Variants in PPM1D observed in about 807,000 individuals in gnomAD.
PPM1D encodes the protein protein phosphatase, Mg2+/Mn2+ dependent 1D.
In PPM1D, 52 loss-of-function variants were observed where a neutral mutation model predicts 58.3. The ratio of observed to expected loss-of-function variants is 0.89; its 90% CI spans 0.71 to 1.12. The LOEUF (loss-of-function observed/expected upper bound fraction) is 1.12, where lower values mean the gene tolerates loss of function less well. Ranked by LOEUF, PPM1D falls within the 50% of genes most tolerant of loss-of-function variation. The pLI, the probability that PPM1D is intolerant of heterozygous loss-of-function variation, is 0.00. For missense variants in PPM1D, 564 were observed against 777.2 expected (o/e 0.73, Z 3.26); for synonymous variants, 278 against 285.1 (o/e 0.98, Z 0.25).
intron 1 of PPM1D, among the ~76,000 whole-genome samples, chr17:60,616,464 G>A (rs1303090130): frequency 6.6e-6 from 1 of 151,582 alleles, no homozygotes; most frequent in African/African-American, 2.4e-5. Context: ...AAAAATATTA[G>A]CCTGGTGTGG....
intron 4 of PPM1D, among the ~76,000 whole-genome samples, chr17:60,654,379 C>A (rs549788096): frequency 1.5e-5 from 2 of 137,136 alleles, no homozygotes; most frequent in Admixed American, 1.4e-4. Context: ...TGAACTGATT[C>A]TCCCACCTCA....
intron 4 of PPM1D, 87 bp from the exon 5 acceptor site, chr17:60,656,512 A>G: frequency 6.6e-7 from 1 of 1,514,828 alleles, no homozygotes; most frequent in Non-Finnish European, 8.8e-7. Flanking sequence ...GCCACAGCGA[A>G]CACCAAATAT....
At chr17:60,639,037 A>G (rs1268364889) in intron 3 of PPM1D, among the ~76,000 whole-genome samples, 1 of 152,204 alleles carries the variant, frequency 6.6e-6, no homozygotes, top group Admixed American at 6.5e-5. Flanking sequence ...GTACAAGCAC[A>G]TGATCTTTGC....
At chr17:60,629,628 GC>G (rs1283930246) in intron 2 of PPM1D, among the ~76,000 whole-genome samples, 1 of 152,114 alleles carries the variant, frequency 6.6e-6, no homozygotes, top group Non-Finnish European at 1.5e-5. Context: ...TCTTTTCTGG[GC>G]TATAATTTTT....
chr17:60,663,194 A>G lies in PPM1D; in HGVS notation c.1460A>G (p.His487Arg), dbSNP rs774692754. The G allele has an allele frequency of 8.1e-6, 13 of 1,614,056 alleles. No homozygotes were observed. The highest frequency in any genetic ancestry group is 1.3e-5 in the African/African-American group (1 of 74,932). Residue 487 changes from histidine (H) to arginine (R), a missense_variant, in exon 6 of 6, where the codon CAT becomes CGT. Transcript: ENST00000305921. Reference sequence around the variant, plus strand: ...GCTAAAGCCCTGACTTTAAGGATACATGATTCTTTGAATAATAGCCTTCCA... The same window carrying G: ...GCTAAAGCCCTGACTTTAAGGATACGTGATTCTTTGAATAATAGCCTTCCA... ...NCAKALTLRI[H>R]DSLNNSLPIG...
chr17:60,643,152 G>A (rs1294987687), intron 3 of PPM1D, among the ~76,000 whole-genome samples: 1 of 152,076 alleles, frequency 6.6e-6, no homozygotes, highest in East Asian at 1.9e-4. Context: ...GGCCGAGGTG[G>A]GTGGATCGCT....
chr17:60,602,694 A>G (rs1462891260), intron 1 of PPM1D, among the ~76,000 whole-genome samples: 1 of 151,860 alleles, frequency 6.6e-6, no homozygotes, highest in Non-Finnish European at 1.5e-5. Context: ...CTTATGATGC[A>G]TAAAGTTTAG....
chr17:60,601,526 T>A (rs1325782805), intron 1 of PPM1D, among the ~76,000 whole-genome samples: 1 of 152,208 alleles, frequency 6.6e-6, no homozygotes, highest in Non-Finnish European at 1.5e-5. Context: ...ACGCGGAACG[T>A]GTTGTTACCT....
intron 1 of PPM1D, 37 bp from the exon 2 acceptor site, chr17:60,623,484 T>C (rs1210175714): frequency 6.4e-7 from 1 of 1,569,194 alleles, no homozygotes; most frequent in Admixed American, 1.8e-5. Context: ...TTAATGTTTA[T>C]ACTTGCAAGA....
intron 5 of PPM1D, among the ~76,000 whole-genome samples, chr17:60,662,740 AT>A (rs1158122342): frequency 1.3e-5 from 2 of 152,174 alleles, no homozygotes; most frequent in Non-Finnish European, 2.9e-5. Context: ...ACTTGAATAG[AT>A]TACTTTATAA....
intron 3 of PPM1D, among the ~76,000 whole-genome samples, chr17:60,646,405 G>C (rs1421976511): frequency 6.6e-6 from 1 of 152,110 alleles, no homozygotes; most frequent in Non-Finnish European, 1.5e-5. Context: ...AAAGGACAAA[G>C]CTTCCTCTTG....
intron 3 of PPM1D, among the ~76,000 whole-genome samples, chr17:60,638,051 T>C (rs2031059419): frequency 6.6e-6 from 1 of 152,104 alleles, no homozygotes; most frequent in African/African-American, 2.4e-5. Context: ...ACAACCATGA[T>C]TGGGGTTATT....
chr17:60,658,518 C>T (rs981522393), intron 5 of PPM1D, among the ~76,000 whole-genome samples: 1 of 151,918 alleles, frequency 6.6e-6, no homozygotes, highest in African/African-American at 2.4e-5. Flanking sequence ...TGTGGTGATG[C>T]ATGCCTGTAA....
chr17:60,649,911 G>T (rs892602579), intron 4 of PPM1D, among the ~76,000 whole-genome samples: 2 of 152,152 alleles, frequency 1.3e-5, no homozygotes, highest in African/African-American at 4.8e-5. Flanking sequence ...GTTGCATTTA[G>T]TTGGAGATTA....
At chr17:60,649,048 C>T (rs530501951) in intron 4 of PPM1D, among the ~76,000 whole-genome samples, 265 of 151,582 alleles carry the variant, frequency 1.7e-3, no homozygotes, top group African/African-American at 6.0e-3. Context: ...CATGAGCCAC[C>T]GCACCCGGCC....
In PPM1D at chr17:60,663,559, T is replaced by C; in HGVS notation, c.*7T>C. On this transcript the variant is annotated 3_prime_UTR_variant, in exon 6 of 6. Coordinates refer to ENST00000305921, the MANE Select transcript of PPM1D (RefSeq NM_003620.4). Reference sequence around the variant, plus strand: ...AACTGTTTGTGTTTGCTGAAATGCATCTGGGAAATGAGGTTTTTCCAAACT... The same window carrying C: ...AACTGTTTGTGTTTGCTGAAATGCACCTGGGAAATGAGGTTTTTCCAAACT... The C allele has an allele frequency of 6.3e-7, 1 of 1,599,122 alleles. No individual in the cohort carries two copies. Among genetic ancestry groups the C allele is most frequent in the Non-Finnish European group, 8.5e-7 (1 of 1,175,404 alleles).
At chr17:60,621,479 C>T (rs1381114627) in intron 1 of PPM1D, among the ~76,000 whole-genome samples, 1 of 152,066 alleles carries the variant, frequency 6.6e-6, no homozygotes, top group African/African-American at 2.4e-5. Flanking sequence ...ACTGCAGCCT[C>T]CACCTCCTGG....
At chr17:60,654,132 T>G (rs1253399152) in intron 4 of PPM1D, among the ~76,000 whole-genome samples, 1 of 152,002 alleles carries the variant, frequency 6.6e-6, no homozygotes, top group Non-Finnish European at 1.5e-5. Flanking sequence ...ACCTTCAATT[T>G]TTTTCCCCAT....
At position 60,626,445 on chromosome 17, in the gene PPM1D, A is replaced by G. The variant is rs532863620; in HGVS notation, c.701+2696A>G. Among the ~76,000 whole-genome samples, 21 of 148,850 alleles carry G rather than the reference A, an allele frequency of 1.4e-4. No individual in the cohort carries two copies. The East Asian group carries it at 4.2e-3, about 29-fold the overall frequency. On this transcript the variant is annotated intron_variant, in intron 2 of 5. Coordinates refer to ENST00000305921, the MANE Select transcript of PPM1D (RefSeq NM_003620.4). ...AGTCTGGCTCTTTCGCCCAGGCTGG[A>G]GTGCAGTGGCGCGATCTCGGCTCAC...
Sources: allele counts gnomAD v4.1 joint callset (sites outside exome capture counted in the v4.1 genomes callset), GRCh38; gene constraint gnomAD v4.1.1; transcripts MANE v1.5; gene names NCBI Gene and HGNC (gene_info 2026-07-23, HGNC 2026-07-21).